The following CCDC194 variants were observed in gnomAD, a reference collection of about 807,000 sequenced individuals.
CCDC194 encodes coiled-coil domain containing 194.
A neutral mutation model predicts 4.9 loss-of-function variants in CCDC194; 8 were observed. That is an observed-to-expected ratio of 1.65 (90% CI 0.97 to 2.97). The LOEUF (loss-of-function observed/expected upper bound fraction) is 2.97, where lower values mean the gene tolerates loss of function less well. Among genes scored for constraint, CCDC194 ranks in the 30% most tolerant of loss-of-function variants. The pLI, the probability that CCDC194 is intolerant of heterozygous loss-of-function variation, is 0.00. For missense variants in CCDC194, 52 were observed against 43.1 expected (o/e 1.21, Z -0.58); for synonymous variants, 13 against 17.0 (o/e 0.76, Z 0.58).
intron 1 of CCDC194, among the ~76,000 whole-genome samples, chr19:17,393,578 A>G (rs745893879): frequency 4.0e-5 from 6 of 151,576 alleles, no homozygotes; most frequent in East Asian, 1.9e-4. Context: ...TAGTAGAGAC[A>G]GGGTTTCACC....
intron 2 of CCDC194, 126 bp downstream of exon 2, chr19:17,391,624 A>T: frequency 1.3e-6 from 2 of 1,527,378 alleles, no homozygotes; most frequent in Non-Finnish European, 1.7e-6. Context: ...CATTCTTTTC[A>T]TAAGTTTTTG....
At position 17,391,847 on chromosome 19, in the gene CCDC194, C is replaced by T; in HGVS notation, c.325-1G>A. On this transcript the variant is annotated splice_acceptor_variant, in intron 1 of 3. Transcript: ENST00000636079. LOFTEE classifies it high-confidence loss of function. ...TCGTTAGTTGGGTCTGAAGCCGGCT[C>T]TGAGGAGTGGAGGGGAAGTGGGAGG... The T allele has an allele frequency of 6.6e-7, 1 of 1,521,102 alleles. No individual in the cohort carries two copies. Among genetic ancestry groups the T allele is most frequent in the Non-Finnish European group, 8.8e-7 (1 of 1,139,284 alleles). The allele number at this position is 1,521,102 out of a possible 1,614,324, so 94.2% of individuals were successfully genotyped here. A position where few individuals can be genotyped will look rare whatever the true frequency, so the allele number is the denominator to read the frequency against.
At chr19:17,387,896 A>AT (rs564378609), downstream of CCDC194, among the ~76,000 whole-genome samples, 3 of 150,916 alleles carry the variant, frequency 2.0e-5, no homozygotes, top group South Asian at 2.1e-4. Flanking sequence ...ATTTATTTTT[A>AT]TTTTTTTTGA....
chr19:17,390,535 G>GCCGGCAGCCC lies in CCDC194; in HGVS notation c.669_678dup (p.Arg227GlyfsTer?). 2.5e-6 allele frequency: 1 copy of GCCGGCAGCCC among 394,880 alleles called. No homozygotes were observed. 24.5% of individuals were successfully genotyped at this position (394,880 alleles called of 1,614,324 possible). A position where few individuals can be genotyped will look rare whatever the true frequency, so the allele number is the denominator to read the frequency against. ...CACCCTCGTGCGCGCCGCGCCGGCC[G>GCCGGCAGCCC]CCGGCAGCCCCCGGAGGGTCCGGAG... is the stretch of plus-strand genomic sequence containing the variant. On this transcript the variant is annotated frameshift_variant, in exon 4 of 4. Transcript: ENST00000636079. LOFTEE classifies it high-confidence loss of function. This position sits in a 1 kb window ranked among gnomAD's most constrained non-coding sequence, Gnocchi z 5.5.
intron 1 of CCDC194, among the ~76,000 whole-genome samples, chr19:17,392,437 C>A (rs1400239114): frequency 6.6e-6 from 1 of 152,106 alleles, no homozygotes; most frequent in Admixed American, 6.6e-5. Flanking sequence ...TGTGCCACTG[C>A]ACTCCAGCCT....
At chr19:17,388,047 C>T (rs1197495478), downstream of CCDC194, among the ~76,000 whole-genome samples, 3 of 150,436 alleles carry the variant, frequency 2.0e-5, no homozygotes, top group Non-Finnish European at 4.4e-5. Context: ...CCACCATGCC[C>T]GGCTAATTTT....
chr19:17,393,376 CTTTT>C (rs551933814), intron 1 of CCDC194, among the ~76,000 whole-genome samples: 655 of 114,948 alleles, frequency 5.7e-3, no homozygotes, highest in African/African-American at 0.026. Flanking sequence ...GACAGTGAGA[CTTTT>C]TTTTTTTTTT....
At position 17,391,851 on chromosome 19, in the gene CCDC194, G is replaced by A. The variant is rs1163867107; in HGVS notation, c.325-5C>T. The A allele has an allele frequency of 2.6e-6, 4 of 1,509,894 alleles. No individual in the cohort carries two copies. Among genetic ancestry groups the A allele is most frequent in the African/African-American group, 2.8e-5 (2 of 71,924 alleles). 93.5% of individuals were successfully genotyped at this position (1,509,894 alleles called of 1,614,324 possible). ...TAGTTGGGTCTGAAGCCGGCTCTGA[G>A]GAGTGGAGGGGAAGTGGGAGGGGGT... On this transcript the variant is annotated splice_region_variant and splice_polypyrimidine_tract_variant and intron_variant, in intron 1 of 3. Transcript: ENST00000636079.
downstream of CCDC194, among the ~76,000 whole-genome samples, chr19:17,387,426 CA>C (rs1296524905): frequency 6.6e-6 from 1 of 151,890 alleles, no homozygotes. Flanking sequence ...CACACACACA[CA>C]AAAACGGGGG....
At chr19:17,391,546 G>T in intron 2 of CCDC194, 1 of 1,265,884 alleles carries the variant, frequency 7.9e-7, no homozygotes. Flanking sequence ...TCGTTTACAA[G>T]GAGTTTGCAT....
intron 1 of CCDC194, chr19:17,392,107 G>C (rs762821559): frequency 4.5e-5 from 17 of 380,690 alleles, no homozygotes; most frequent in Non-Finnish European, 8.0e-5. Context: ...AGAAAGTGGA[G>C]AGTGCTGAGC....
rs889711124 is a variant in CCDC194 at position 17,391,344 on chromosome 19, C to T, written c.422-1G>A. 4.5e-6 allele frequency: 2 copies of T among 448,746 alleles called. No individual in the cohort carries two copies. The highest frequency in any genetic ancestry group is 7.8e-6 in the Non-Finnish European group (2 of 257,228). The allele number at this position is 448,746 out of a possible 1,614,324, so 27.8% of individuals were successfully genotyped here. ...GCCGCCTCCCAGCGCGCCAGGGCCTCTGGGGGCGCAGGGAGCCGGGTCAGG... is the reference window on the plus strand; with the variant it reads ...GCCGCCTCCCAGCGCGCCAGGGCCTTTGGGGGCGCAGGGAGCCGGGTCAGG... On this transcript the variant is annotated splice_acceptor_variant, in intron 2 of 3. Coordinates refer to ENST00000636079, the Ensembl canonical transcript of CCDC194. LOFTEE classifies it high-confidence loss of function.
chr19:17,391,700 T>C, intron 2 of CCDC194, 50 bp downstream of exon 2: 1 of 1,535,644 alleles, frequency 6.5e-7, no homozygotes, highest in Non-Finnish European at 8.7e-7. Flanking sequence ...AGGATTCACC[T>C]AGGCTCCTCC....
At chr19:17,389,156 G>A (rs909654240), downstream of CCDC194, among the ~76,000 whole-genome samples, 28 of 152,208 alleles carry the variant, frequency 1.8e-4, no homozygotes, top group African/African-American at 6.3e-4. Context: ...GAGTTTGGAG[G>A]AGTCAAAGTT....
chr19:17,387,718 C>T (rs541751706), downstream of CCDC194, among the ~76,000 whole-genome samples: 83 of 150,324 alleles, frequency 5.5e-4, no homozygotes, highest in Non-Finnish European at 1.0e-3. Flanking sequence ...GACTCTATCT[C>T]AAAAAGAAAA....
At chr19:17,393,641 A>G (rs1020903331) in intron 1 of CCDC194, among the ~76,000 whole-genome samples, 194 bp downstream of exon 1, 1 of 152,004 alleles carries the variant, frequency 6.6e-6, no homozygotes, top group Non-Finnish European at 1.5e-5. Flanking sequence ...CACCTTTCTG[A>G]TCAGAAGGTA....
At position 17,390,724 on chromosome 19, in the gene CCDC194, C is replaced by T. The variant is rs563914720; in HGVS notation, c.555-65G>A. ...CCTGTCCCCAGACATCGCCAGCCCT[C>T]ATCCGCCAGAGCGTCCCTTTGCTGG... On this transcript the variant is annotated intron_variant, in intron 3 of 3. Transcript: ENST00000636079. This position sits in a 1 kb window ranked among gnomAD's most constrained non-coding sequence, Gnocchi z 5.5. 7.1e-5 allele frequency: 28 copies of T among 394,178 alleles called. No individual in the cohort carries two copies. Among genetic ancestry groups the T allele is most frequent in the African/African-American group, 2.9e-4 (14 of 48,482 alleles). The allele number at this position is 394,178 out of a possible 1,614,324, so 24.4% of individuals were successfully genotyped here. A position where few individuals can be genotyped will look rare whatever the true frequency, so the allele number is the denominator to read the frequency against.
At chr19:17,391,868 G>C (rs1286096537) in intron 1 of CCDC194, 22 bp from the exon 2 acceptor site, 1 of 1,492,318 alleles carries the variant, frequency 6.7e-7, no homozygotes, top group East Asian at 2.5e-5. Flanking sequence ...AGGGGAAGTG[G>C]GAGGGGGTGT....
At chr19:17,391,283 A>G in exon 3 of CCDC194, 1 of 416,748 alleles carries the variant, frequency 2.4e-6, no homozygotes, top group Non-Finnish European at 4.2e-6. Flanking sequence ...TGCGCGCCGC[A>G]GAGCCTCGTC....
Sources: allele counts gnomAD v4.1 joint callset (sites outside exome capture counted in the v4.1 genomes callset), GRCh38; gene constraint gnomAD v4.1.1; non-coding constraint Gnocchi (gnomAD v3.1); transcripts MANE v1.5; gene names NCBI Gene and HGNC (gene_info 2026-07-23, HGNC 2026-07-21).